The following EML1 variants were observed in gnomAD, a reference collection of about 807,000 sequenced individuals.
EML1 encodes the protein echinoderm microtubule-associated protein-like 1.
EML1 carries 27 observed loss-of-function variants against 110.4 expected under a neutral mutation model. The ratio of observed to expected loss-of-function variants is 0.24; its 90% CI spans 0.18 to 0.34. The LOEUF is 0.34. EML1 is among the 10% of genes least tolerant of loss of function. The pLI, the probability that EML1 is intolerant of heterozygous loss-of-function variation, is 1.00. For synonymous variants in EML1, 344 were observed against 385.8 expected (o/e 0.89, Z 1.27); for missense variants, 741 against 1,030.9 (o/e 0.72, Z 3.85).
intron 17 of EML1, among the ~76,000 whole-genome samples, chr14:99,926,654 G>A (rs921247698): frequency 3.3e-5 from 5 of 152,128 alleles, no homozygotes; most frequent in African/African-American, 4.8e-5. Flanking sequence ...AGGCTGGAGT[G>A]CAGTGGGTAC....
In EML1 at chr14:99,784,714, C is replaced by T. The variant is rs2057579861; in HGVS notation, c.-27+10701C>T. 1.3e-5 allele frequency among the ~76,000 whole-genome samples: 2 copies of T among 152,252 alleles called. No individual in the cohort carries two copies. Among genetic ancestry groups the T allele is most frequent in the Non-Finnish European group, 2.9e-5 (2 of 68,052 alleles). ...GCCAGTGCCTCTCCCCCATTCCAGC[C>T]CATCCAGGCCGGATGACACACGGGA... is the stretch of plus-strand genomic sequence containing the variant. On this transcript the variant is annotated intron_variant, in intron 1 of 22. Transcript: ENST00000327921. The surrounding 1 kb of genome is among the most constrained non-coding windows in gnomAD (Gnocchi z 4.5).
chr14:99,835,638 A>T (rs1422422889), intron 1 of EML1, among the ~76,000 whole-genome samples: 4 of 152,138 alleles, frequency 2.6e-5, no homozygotes, highest in African/African-American at 9.7e-5. Context: ...ACAGCTCACA[A>T]ATTTTGATAT....
chr14:99,861,639 G>A (rs556020406), intron 2 of EML1, among the ~76,000 whole-genome samples: 3 of 152,076 alleles, frequency 2.0e-5, no homozygotes, highest in Non-Finnish European at 2.9e-5. Flanking sequence ...ATGTCACCAC[G>A]CCTGGCTAAT....
At chr14:99,902,992 C>A (rs1269856219) in intron 9 of EML1, among the ~76,000 whole-genome samples, 1 of 152,144 alleles carries the variant, frequency 6.6e-6, no homozygotes, top group Non-Finnish European at 1.5e-5. Flanking sequence ...TGTCCTGTTA[C>A]AAACAAAAAC....
intron 1 of EML1, among the ~76,000 whole-genome samples, chr14:99,810,900 A>G (rs999872476): frequency 1.3e-5 from 2 of 152,254 alleles, no homozygotes; most frequent in African/African-American, 4.8e-5. Context: ...AATCATCCAC[A>G]TACATATACA....
At chr14:99,807,546 G>A (rs563124523) in intron 1 of EML1, among the ~76,000 whole-genome samples, 33 of 152,328 alleles carry the variant, frequency 2.2e-4, no homozygotes, top group Middle Eastern at 3.4e-3. Context: ...CCCTAGGCCT[G>A]AAGGGGCAGA....
intron 1 of EML1, among the ~76,000 whole-genome samples, chr14:99,847,085 CTGATATCTTCTT>C (rs2058718713): frequency 6.7e-6 from 1 of 150,100 alleles, no homozygotes. Context: ...CTAATTTCTC[CTGATATCTTCTT>C]TGATCCAATG....
At chr14:99,839,991 G>A (rs2058607931) in intron 1 of EML1, among the ~76,000 whole-genome samples, 1 of 151,896 alleles carries the variant, frequency 6.6e-6, no homozygotes, top group African/African-American at 2.4e-5. Flanking sequence ...GCCCGCAAGT[G>A]GCAGAGCAAT....
chr14:99,836,994 T>A (rs900544588), intron 1 of EML1, among the ~76,000 whole-genome samples: 11 of 151,612 alleles, frequency 7.3e-5, no homozygotes, highest in African/African-American at 2.4e-5. Flanking sequence ...TGTTCTAATT[T>A]TTTTTTTTTT....
At chr14:99,932,558 G>A (rs1013147578) in intron 17 of EML1, among the ~76,000 whole-genome samples, 1 of 150,840 alleles carries the variant, frequency 6.6e-6, no homozygotes, top group African/African-American at 2.4e-5. Context: ...AGAATCGCTT[G>A]AACTCAGGAG....
At chr14:99,873,141 C>G (rs1172632133) in intron 3 of EML1, among the ~76,000 whole-genome samples, 1 of 152,190 alleles carries the variant, frequency 6.6e-6, no homozygotes, top group African/African-American at 2.4e-5. Flanking sequence ...AACATTTCTA[C>G]TGGTTCAAGA....
intron 3 of EML1, among the ~76,000 whole-genome samples, chr14:99,877,698 G>A (rs11160556): frequency 6.6e-6 from 1 of 152,178 alleles, no homozygotes; most frequent in Non-Finnish European, 1.5e-5. Context: ...CGTCCTGTTA[G>A]CATTTGTCCC....
chr14:99,795,208 T>G (rs948412714), intron 1 of EML1, among the ~76,000 whole-genome samples: 2 of 152,218 alleles, frequency 1.3e-5, no homozygotes, highest in Admixed American at 6.5e-5. Flanking sequence ...AATAGCAGTT[T>G]AGTCATGAAG....
chr14:99,892,749 T>C (rs1475791159), intron 5 of EML1, among the ~76,000 whole-genome samples: 1 of 152,242 alleles, frequency 6.6e-6, no homozygotes, highest in Non-Finnish European at 1.5e-5. Flanking sequence ...ATACCTGTGA[T>C]AGACTCATGT....
chr14:99,745,344 G>C (rs1449497795), intron 1 of EML1, among the ~76,000 whole-genome samples: 3 of 152,168 alleles, frequency 2.0e-5, no homozygotes, highest in Non-Finnish European at 4.4e-5. Context: ...GAGATCACAG[G>C]CATGAGCCAT....
intron 8 of EML1, among the ~76,000 whole-genome samples, chr14:99,898,612 C>T (rs747251248): frequency 6.6e-6 from 1 of 152,030 alleles, no homozygotes; most frequent in Non-Finnish European, 1.5e-5. Context: ...ATTAGCCAGG[C>T]GTGGTGTCAC....
chr14:99,838,753 C>T (rs533589322), intron 1 of EML1, among the ~76,000 whole-genome samples: 3 of 152,210 alleles, frequency 2.0e-5, no homozygotes, highest in East Asian at 3.9e-4. Context: ...GTGCTTCACA[C>T]GTTATCAGGA....
At chr14:99,751,024 T>C (rs2057169093) in intron 1 of EML1, among the ~76,000 whole-genome samples, 1 of 152,094 alleles carries the variant, frequency 6.6e-6, no homozygotes, top group Non-Finnish European at 1.5e-5. Flanking sequence ...TTTAAAGACC[T>C]TCCAGTGTAG....
intron 19 of EML1, among the ~76,000 whole-genome samples, chr14:99,937,504 C>T (rs1200165888): frequency 7.0e-6 from 1 of 142,664 alleles, no homozygotes; most frequent in Non-Finnish European, 1.5e-5. Flanking sequence ...TTCAGGGGCT[C>T]GGGTGGGGGT....
Sources: allele counts gnomAD v4.1 joint callset (sites outside exome capture counted in the v4.1 genomes callset), GRCh38; gene constraint gnomAD v4.1.1; non-coding constraint Gnocchi (gnomAD v3.1); transcripts MANE v1.5; gene names NCBI Gene and HGNC (gene_info 2026-07-23, HGNC 2026-07-21).